DOP1B: variants seen among roughly 807,000 people sequenced by gnomAD.
DOP1B encodes the protein protein DOP1B.
A neutral mutation model predicts 233.5 loss-of-function variants in DOP1B; 174 were observed. The observed-to-expected ratio is 0.75, with a 90% CI of 0.66 to 0.85. The LOEUF (loss-of-function observed/expected upper bound fraction) is 0.85, where lower values mean the gene tolerates loss of function less well. DOP1B is among the 40% of genes least tolerant of loss of function. The pLI, the probability that DOP1B is intolerant of heterozygous loss-of-function variation, is 0.00. For synonymous variants in DOP1B, 1,190 were observed against 1,185.6 expected (o/e 1.00, Z -0.08); for missense variants, 2,652 against 2,846.6 (o/e 0.93, Z 1.56).
At chr21:36,225,476 C>T (rs2066671304) in intron 11 of DOP1B, 89 bp from the exon 12 acceptor site, 3 of 1,408,624 alleles carry the variant, frequency 2.1e-6, no homozygotes, top group Non-Finnish European at 3.0e-6. Context: ...GACAGTCCAC[C>T]CATCTCGGCC....
At chr21:36,231,471 A>G (rs1242815810) in intron 14 of DOP1B, among the ~76,000 whole-genome samples, 1 of 152,104 alleles carries the variant, frequency 6.6e-6, no homozygotes, top group Non-Finnish European at 1.5e-5. Context: ...TATTGGCCTC[A>G]TTTGTTCCCT....
chr21:36,261,234 G>A (rs60033670), intron 24 of DOP1B: 91,454 of 858,008 alleles, frequency 0.11, 6,648 homozygotes, highest in African/African-American at 0.32. Flanking sequence ...GCATGGTGGC[G>A]TGCGCCTGTA....
intron 4 of DOP1B, among the ~76,000 whole-genome samples, chr21:36,201,323 A>G (rs2066362804): frequency 1.5e-5 from 2 of 132,102 alleles, no homozygotes; most frequent in African/African-American, 2.9e-5. Context: ...CTGGGATTCT[A>G]TTCCACTGTA....
chr21:36,233,145 C>T (rs746482849), intron 15 of DOP1B, 70 bp downstream of exon 15: 93 of 1,538,120 alleles, frequency 6.0e-5, no homozygotes, highest in Non-Finnish European at 8.0e-5. Context: ...AACCGTATTG[C>T]TGGGGATGGG....
rs201550266 is a variant in DOP1B at position 36,246,171 on chromosome 21, G to A, written c.4191G>A (p.Thr1397=). ...VLLSLSASMY[T]SQKRYGLATA... is the part of the protein sequence containing the mutation. ...TCTCCCTGTCGGCGTCCATGTACAC[G>A]AGCCAGAAGCGCTACGGGCTGGCCA... The change falls in exon 19 of 37, where the codon ACG becomes ACA. Residue 1397 remains threonine (T), a synonymous_variant. Coordinates refer to ENST00000691173, the MANE Select transcript of DOP1B (RefSeq NM_001320714.2). The surrounding 1 kb of genome is among the most constrained non-coding windows in gnomAD (Gnocchi z 5.1). 1.8e-5 allele frequency: 29 copies of A among 1,613,718 alleles called. 1 individual carries two copies. Among genetic ancestry groups the A allele is most frequent in the East Asian group, 1.8e-4 (8 of 44,870 alleles).
intron 2 of DOP1B, among the ~76,000 whole-genome samples, chr21:36,176,904 C>T (rs1397866465): frequency 3.3e-5 from 5 of 152,116 alleles, no homozygotes; most frequent in African/African-American, 4.8e-5. Flanking sequence ...CTACAACCTC[C>T]ACCTCCCAGG....
intron 1 of DOP1B, among the ~76,000 whole-genome samples, chr21:36,161,842 T>A (rs1166388558): frequency 6.6e-6 from 1 of 152,176 alleles, no homozygotes; most frequent in Admixed American, 6.5e-5. Flanking sequence ...GCATTTCATA[T>A]CAATGGAATC....
At chr21:36,176,097 C>CGTGTGCGTATGTGTGT (rs375729449) in intron 2 of DOP1B, among the ~76,000 whole-genome samples, 2 of 141,744 alleles carry the variant, frequency 1.4e-5, no homozygotes, top group East Asian at 4.2e-4. Context: ...GGTGTGTGTG[C>CGTGTGCGTATGTGTGT]GTGTGTGTGT....
intron 23 of DOP1B, 148 bp downstream of exon 23, chr21:36,254,057 T>C (rs2067064493): frequency 9.4e-7 from 1 of 1,061,576 alleles, no homozygotes; most frequent in Non-Finnish European, 1.3e-6. Context: ...GGAGGTGCTG[T>C]TTGCTGTGCT....
chr21:36,253,641 A>G (rs2067056539), intron 22 of DOP1B, 131 bp from the exon 23 acceptor site: 1 of 1,104,310 alleles, frequency 9.1e-7, no homozygotes, highest in Non-Finnish European at 1.2e-6. Flanking sequence ...GTGTTTCAAA[A>G]AAAAAAAAAA....
At chr21:36,234,147 C>T (rs1025578917) in intron 15 of DOP1B, among the ~76,000 whole-genome samples, 8 of 152,108 alleles carry the variant, frequency 5.3e-5, no homozygotes, top group African/African-American at 1.7e-4. Context: ...TGTGAGCCAC[C>T]GTGCCCAGCT....
In DOP1B at chr21:36,278,363, A is replaced by G; in HGVS notation, c.5969+8A>G. 4 of 1,606,216 alleles carry G rather than the reference A, an allele frequency of 2.5e-6. 1 individual carries two copies. Among genetic ancestry groups the G allele is most frequent in the South Asian group, 2.2e-5 (2 of 89,996 alleles). On this transcript the variant is annotated splice_region_variant and intron_variant, in intron 30 of 36. Coordinates refer to ENST00000691173, the MANE Select transcript of DOP1B (RefSeq NM_001320714.2). ...GGATACTTCCTGTGTTCAGTAAGAT[A>G]TGCTGTCCTGATAACAACGTGCTCT...
At chr21:36,210,647 A>G (rs768904407) in intron 5 of DOP1B, among the ~76,000 whole-genome samples, 2 of 152,022 alleles carry the variant, frequency 1.3e-5, no homozygotes, top group Non-Finnish European at 2.9e-5. Flanking sequence ...TCTGTCTGAA[A>G]AACAAACAAA....
intron 15 of DOP1B, 131 bp downstream of exon 15, chr21:36,233,206 G>A (rs2066788434): frequency 1.6e-6 from 2 of 1,215,598 alleles, no homozygotes; most frequent in Middle Eastern, 2.2e-4. Context: ...ACTGGGCAGA[G>A]GCAGTAGCCT....
chr21:36,214,356 G>C (rs547298962), intron 8 of DOP1B, 86 bp from the exon 9 acceptor site: 5 of 1,414,814 alleles, frequency 3.5e-6, no homozygotes, highest in South Asian at 1.3e-5. Flanking sequence ...TTCTGTCCCA[G>C]AGTATTTAAC....
Position 36,246,456 on chromosome 21 carries a change from C to G in DOP1B, c.4476C>G (p.Pro1492=), listed in dbSNP as rs1247377860. The change falls in exon 19 of 37, where the codon CCC becomes CCG. Residue 1492 remains proline (P), a synonymous_variant. Coordinates refer to ENST00000691173, the MANE Select transcript of DOP1B (RefSeq NM_001320714.2). The surrounding 1 kb of genome is among the most constrained non-coding windows in gnomAD (Gnocchi z 5.1). ...ISALQYVQPH[P]LTSQGLLVSA... The stretch of plus-strand genomic sequence containing the variant: ...CCCTGCAGTACGTGCAGCCCCACCC[C>G]CTCACCTCCCAGGGTCTTCTGGTCT... The G allele has an allele frequency of 6.2e-7, 1 of 1,613,914 alleles. No individual in the cohort carries two copies. The highest frequency in any genetic ancestry group is 8.5e-7 in the Non-Finnish European group (1 of 1,179,972).
chr21:36,236,989 T>C (rs1471730867), intron 15 of DOP1B, among the ~76,000 whole-genome samples: 2 of 152,112 alleles, frequency 1.3e-5, no homozygotes, highest in Admixed American at 6.6e-5. Context: ...TTTGCCATGT[T>C]GACCAGGCTG....
Position 36,251,303 on chromosome 21 carries a change from C to G in DOP1B, c.5121+19C>G. The stretch of plus-strand genomic sequence containing the variant: ...GATGAAGGTAAAGTTTAAAAAGTTA[C>G]AGGAGTGGTTAAACTTACTGTGACA... On this transcript the variant is annotated intron_variant, in intron 22 of 36. Transcript: ENST00000691173. 3.7e-6 allele frequency: 6 copies of G among 1,605,218 alleles called. No homozygotes were observed. The highest frequency in any genetic ancestry group is 5.1e-6 in the Non-Finnish European group (6 of 1,177,326).
intron 4 of DOP1B, 71 bp downstream of exon 4, chr21:36,200,572 A>G (rs896187787): frequency 7.8e-5 from 117 of 1,506,858 alleles, no homozygotes; most frequent in Non-Finnish European, 9.6e-5. Context: ...GGCCGGGCGC[A>G]GTGGCTCACG....
Sources: allele counts gnomAD v4.1 joint callset (sites outside exome capture counted in the v4.1 genomes callset), GRCh38; gene constraint gnomAD v4.1.1; non-coding constraint Gnocchi (gnomAD v3.1); transcripts MANE v1.5; gene names NCBI Gene and HGNC (gene_info 2026-07-23, HGNC 2026-07-21).